The following DDC variants were observed in gnomAD, a reference collection of about 807,000 sequenced individuals.
DDC encodes the protein aromatic-L-amino-acid decarboxylase.
A neutral mutation model predicts 60.0 loss-of-function variants in DDC; 43 were observed. The observed-to-expected ratio is 0.72, with a 90% CI of 0.56 to 0.92. The LOEUF is 0.92. DDC is among the 40% of genes least tolerant of loss of function. The probability of loss-of-function intolerance (pLI) is 0.00; values close to 1 mark genes in which losing one functional copy is unlikely to be tolerated. For synonymous variants in DDC, 232 were observed against 234.6 expected (o/e 0.99, Z 0.10); for missense variants, 573 against 620.2 (o/e 0.92, Z 0.81).
chr7:50,515,262 T>C (rs2043695786), intron 6 of DDC, among the ~76,000 whole-genome samples: 1 of 152,176 alleles, frequency 6.6e-6, no homozygotes, highest in Admixed American at 6.5e-5. Flanking sequence ...TTCAGCCTCC[T>C]CAAACAAAAC....
rs984981013 is a variant in DDC, at chr7:50,470,319, C to T, written c.1042-148G>A. 8.4e-6 allele frequency: 6 copies of T among 715,566 alleles called. No individual in the cohort carries two copies. The African/African-American group carries it at 1.0e-4, about 13-fold the overall frequency. The allele number at this position is 715,566 out of a possible 1,614,324, so 44.3% of individuals were successfully genotyped here. A position where few individuals can be genotyped will look rare whatever the true frequency, so the allele number is the denominator to read the frequency against. ...CATTGCCATGGCCTGTCTTGGATGG[C>T]AGGGCCCTCGGTGATGTGGGCAGAG... On this transcript the variant is annotated intron_variant, in intron 11 of 14. Transcript: ENST00000444124.
intron 6 of DDC, among the ~76,000 whole-genome samples, chr7:50,508,180 G>C (rs1055340853): frequency 6.6e-6 from 1 of 152,220 alleles, no homozygotes; most frequent in Non-Finnish European, 1.5e-5. Flanking sequence ...GCTTGTCTAC[G>C]TGGGGCTGAG....
intron 1 of DDC, among the ~76,000 whole-genome samples, chr7:50,556,880 G>A (rs2045206627): frequency 6.6e-6 from 1 of 152,180 alleles, no homozygotes; most frequent in African/African-American, 2.4e-5. Context: ...AAGAATGGTG[G>A]ATTTGCATTC....
At chr7:50,476,830 G>A (rs1262079747) in intron 10 of DDC, among the ~76,000 whole-genome samples, 187 bp from the exon 11 acceptor site, 6 of 152,068 alleles carry the variant, frequency 3.9e-5, no homozygotes, top group Non-Finnish European at 8.8e-5. Context: ...GGTGTGTCCC[G>A]AGAACAGGAT....
intron 6 of DDC, among the ~76,000 whole-genome samples, chr7:50,522,949 G>T (rs1019910980): frequency 2.6e-5 from 4 of 152,132 alleles, no homozygotes; most frequent in Admixed American, 1.3e-4. Flanking sequence ...TAAACAGCCG[G>T]ATCTCATGAG....
At chr7:50,533,345 G>C (rs1038661103) in intron 4 of DDC, among the ~76,000 whole-genome samples, 2 of 151,516 alleles carry the variant, frequency 1.3e-5, no homozygotes, top group African/African-American at 4.9e-5. Context: ...ACCCCGACTG[G>C]AGTGCAGTGG....
At position 50,499,637 on chromosome 7, in the gene DDC, C is replaced by G. The variant is rs1019273223; in HGVS notation, c.782-395G>C. On this transcript the variant is annotated intron_variant, in intron 7 of 14. Coordinates refer to ENST00000444124, the MANE Select transcript of DDC (RefSeq NM_001082971.2). ...GCTAATCCATTCTCAAGTCCTCCCCCAAACATCATCCAAGGGGAGGTCTGC... is the reference window on the plus strand; with the variant it reads ...GCTAATCCATTCTCAAGTCCTCCCCGAAACATCATCCAAGGGGAGGTCTGC... Among the ~76,000 whole-genome samples, 4 of 152,184 alleles carry G rather than the reference C, an allele frequency of 2.6e-5. No homozygotes were observed. The South Asian group carries it at 6.2e-4, about 24-fold the overall frequency.
At chr7:50,472,917 C>T (rs566650388) in intron 11 of DDC, among the ~76,000 whole-genome samples, 1 of 152,156 alleles carries the variant, frequency 6.6e-6, no homozygotes, top group Admixed American at 6.5e-5. Flanking sequence ...TGGATCTTCT[C>T]CCCAGACCGC....
At chr7:50,517,825 T>TA (rs59421951) in intron 6 of DDC, among the ~76,000 whole-genome samples, 11,374 of 75,990 alleles carry the variant, frequency 0.15, 743 homozygotes, top group South Asian at 0.17. Flanking sequence ...TTATAATAGC[T>TA]AAAAAAAAAA....
At chr7:50,561,129 G>C (rs758239984) in intron 1 of DDC, 1 of 152,168 alleles carries the variant, frequency 6.6e-6, no homozygotes, top group Non-Finnish European at 1.5e-5. Flanking sequence ...CCTCCCCGAA[G>C]CCAATCAGAG....
intron 7 of DDC, among the ~76,000 whole-genome samples, chr7:50,501,142 C>A (rs3779082): frequency 0.55 from 84,062 of 152,028 alleles, 23,406 homozygotes; most frequent in Admixed American, 0.62. Flanking sequence ...CAGGCTCACA[C>A]CCCTCCAGCT....
intron 6 of DDC, 56 bp downstream of exon 6, chr7:50,528,081 A>G: frequency 6.3e-7 from 1 of 1,594,396 alleles, no homozygotes; most frequent in South Asian, 1.1e-5. Flanking sequence ...TTGTATTTTT[A>G]GTAGAGACGG....
chr7:50,529,003 CCA>C (rs2044120261), intron 5 of DDC, among the ~76,000 whole-genome samples: 2 of 152,270 alleles, frequency 1.3e-5, no homozygotes, highest in South Asian at 4.2e-4. Flanking sequence ...GGTGATGTCT[CCA>C]CACATTTATT....
chr7:50,495,177 A>G (rs1339863971), intron 9 of DDC, among the ~76,000 whole-genome samples, 173 bp downstream of exon 9: 1 of 152,180 alleles, frequency 6.6e-6, no homozygotes. Context: ...TTCCCTAGAT[A>G]AAAGTTTCCA....
In DDC at chr7:50,537,985, G is replaced by T; in HGVS notation, c.316-6C>A. 4 of 1,614,160 alleles carry T rather than the reference G, an allele frequency of 2.5e-6. No homozygotes were observed. The highest frequency in any genetic ancestry group is 3.4e-6 in the Non-Finnish European group (4 of 1,180,028). Reference sequence around the variant, plus strand: ...GTGCATGCTGGGCTTGCCGCCTGTCGTGGGGGAAGGGAAGGGATTAACCGA... The same window carrying T: ...GTGCATGCTGGGCTTGCCGCCTGTCTTGGGGGAAGGGAAGGGATTAACCGA... On this transcript the variant is annotated splice_polypyrimidine_tract_variant and splice_region_variant and intron_variant, in intron 3 of 14. Coordinates refer to ENST00000444124, the MANE Select transcript of DDC (RefSeq NM_001082971.2).
intron 12 of DDC, among the ~76,000 whole-genome samples, chr7:50,468,747 C>T (rs1042638613): frequency 2.6e-5 from 4 of 152,118 alleles, no homozygotes; most frequent in African/African-American, 9.7e-5. Context: ...ATCACTAAGG[C>T]TGAATATCAT....
chr7:50,540,498 A>C (rs1050860166), intron 2 of DDC, among the ~76,000 whole-genome samples: 2 of 147,984 alleles, frequency 1.4e-5, no homozygotes, highest in African/African-American at 5.3e-5. Context: ...AAACAAACAA[A>C]AAAAAAAACC....
At chr7:50,474,645 A>T (rs2042602397) in intron 11 of DDC, among the ~76,000 whole-genome samples, 1 of 152,250 alleles carries the variant, frequency 6.6e-6, no homozygotes, top group Non-Finnish European at 1.5e-5. Context: ...GCAATGTAAC[A>T]TAAGCCAGCA....
chr7:50,461,702 G>A (rs1442950583), intron 14 of DDC, among the ~76,000 whole-genome samples: 1 of 152,146 alleles, frequency 6.6e-6, no homozygotes, highest in Non-Finnish European at 1.5e-5. Flanking sequence ...AGCTTACAGC[G>A]GTACTTTCCC....
Sources: allele counts gnomAD v4.1 joint callset (sites outside exome capture counted in the v4.1 genomes callset), GRCh38; gene constraint gnomAD v4.1.1; transcripts MANE v1.5; gene names NCBI Gene and HGNC (gene_info 2026-07-23, HGNC 2026-07-21).